PROZ: variants seen among roughly 807,000 people sequenced by gnomAD.
The protein encoded by PROZ is vitamin K-dependent protein Z.
A neutral mutation model predicts 34.9 loss-of-function variants in PROZ; 46 were observed. The observed-to-expected ratio is 1.32, with a 90% CI of 1.04 to 1.69. The LOEUF (loss-of-function observed/expected upper bound fraction) is 1.69, where lower values mean the gene tolerates loss of function less well. Among genes scored for constraint, PROZ ranks in the 40% most tolerant of loss-of-function variants. The probability of loss-of-function intolerance (pLI) is 0.00; values close to 1 mark genes in which losing one functional copy is unlikely to be tolerated. For missense variants in PROZ, 530 were observed against 520.4 expected (o/e 1.02, Z -0.18); for synonymous variants, 195 against 208.5 (o/e 0.94, Z 0.56).
intron 4 of PROZ, 135 bp downstream of exon 4, chr13:113,163,257 C>A: frequency 1.3e-6 from 1 of 760,420 alleles, no homozygotes; most frequent in South Asian, 1.5e-5. Flanking sequence ...TTTGGCTCAC[C>A]CCAGGGGATT....
chr13:113,169,753 G>C (rs1177499349), intron 6 of PROZ, among the ~76,000 whole-genome samples: 1 of 152,232 alleles, frequency 6.6e-6, no homozygotes, highest in East Asian at 1.9e-4. Flanking sequence ...TTCCCAGCTT[G>C]TGTGAGTGTC....
In PROZ at chr13:113,171,479, G is replaced by T; in HGVS notation, c.692-115G>T. 1 of 1,333,100 alleles carries T rather than the reference G, an allele frequency of 7.5e-7. No homozygotes were observed. The highest frequency in any genetic ancestry group is 2.4e-5 in the East Asian group (1 of 41,096). The allele number at this position is 1,333,100 out of a possible 1,614,324, so 82.6% of individuals were successfully genotyped here. A position where few individuals can be genotyped will look rare whatever the true frequency, so the allele number is the denominator to read the frequency against. ...CCACACCACGGGGCGGTGAGCCTGC[G>T]GGTCCTCCAGGGCCGGTCTCTCCCT... On this transcript the variant is annotated intron_variant, in intron 7 of 7. Coordinates refer to ENST00000375547, the MANE Select transcript of PROZ (RefSeq NM_003891.3). This position sits in a 1 kb window ranked among gnomAD's most constrained non-coding sequence, Gnocchi z 5.1.
Position 113,172,006 on chromosome 13 carries a change from G to A in PROZ, c.1104G>A (p.Thr368=), listed in dbSNP as rs551169345. 1.4e-5 allele frequency: 22 copies of A among 1,613,198 alleles called. No homozygotes were observed. Among genetic ancestry groups the A allele is most frequent in the Middle Eastern group, 1.7e-4 (1 of 6,060 alleles). Residue 368 remains threonine (T), a synonymous_variant, in exon 8 of 8, where the codon ACG becomes ACA. Transcript: ENST00000375547. ...AACACAGAGGCTCCTGGTTTCTCACGGGGGTCCTGGGCTCGCAGCCAGTAG... is the reference window on the plus strand; with the variant it reads ...AACACAGAGGCTCCTGGTTTCTCACAGGGGTCCTGGGCTCGCAGCCAGTAG... The part of the protein sequence containing the change: ...TREHRGSWFL[T]GVLGSQPVGG...
In PROZ at chr13:113,171,726, G is replaced by GT. The variant is rs1566932832; in HGVS notation, c.825dup (p.Ala276CysfsTer9). 6.2e-7 allele frequency: 1 copy of GT among 1,612,580 alleles called. No individual in the cohort carries two copies. Among genetic ancestry groups the GT allele is most frequent in the Non-Finnish European group, 8.5e-7 (1 of 1,178,982 alleles). On this transcript the variant is annotated frameshift_variant, in exon 8 of 8. Transcript: ENST00000375547. LOFTEE classifies it low-confidence loss of function (END_TRUNC). This position sits in a 1 kb window ranked among gnomAD's most constrained non-coding sequence, Gnocchi z 5.1. ...CTGGAGTGGCCCATCCAGTGCCCAG[G>GT]TGCGGGGCTCCCCGTGTGCACCCCT...
chr13:113,160,280 T>C, intron 2 of PROZ, 103 bp downstream of exon 2: 1 of 1,390,596 alleles, frequency 7.2e-7, no homozygotes, highest in Non-Finnish European at 1.0e-6. Context: ...ATTAGCCTAT[T>C]TACTTACCGA....
chr13:113,171,467 C>T lies in PROZ; in HGVS notation c.692-127C>T, dbSNP rs2037109085. 8 of 1,139,930 alleles carry T rather than the reference C, an allele frequency of 7.0e-6. No individual in the cohort carries two copies. The highest frequency in any genetic ancestry group is 6.3e-6 in the Non-Finnish European group (5 of 787,948). 70.6% of individuals were successfully genotyped at this position (1,139,930 alleles called of 1,614,324 possible). On this transcript the variant is annotated intron_variant, in intron 7 of 7. Coordinates refer to ENST00000375547, the MANE Select transcript of PROZ (RefSeq NM_003891.3). This position sits in a 1 kb window ranked among gnomAD's most constrained non-coding sequence, Gnocchi z 5.1. ...AAGGCACAGTGTCCACACCACGGGG[C>T]GGTGAGCCTGCGGGTCCTCCAGGGC...
chr13:113,160,044 T>C lies in PROZ; in HGVS notation c.101T>C (p.Val34Ala). 1 of 1,614,164 alleles carries C rather than the reference T, an allele frequency of 6.2e-7. No individual in the cohort carries two copies. Among genetic ancestry groups the C allele is most frequent in the Non-Finnish European group, 8.5e-7 (1 of 1,180,012 alleles). Residue 34 changes from valine to alanine, a missense_variant, in exon 2 of 8, where the codon GTT becomes GCT. Transcript: ENST00000375547. ...CTCCCGGCCTCCAAAGCAAACGACG[T>C]TCTGGTGAGGTGGAAGCGTGCGGGC... Reference protein sequence around the residue: ...VFLPASKANDVLVRWKRAGSY... With the variant: ...VFLPASKANDALVRWKRAGSY...
At chr13:113,165,216 G>A (rs1168250515) in intron 6 of PROZ, 96 bp downstream of exon 6, 4 of 1,323,658 alleles carry the variant, frequency 3.0e-6, no homozygotes, top group Non-Finnish European at 4.2e-6. Context: ...AAGTGAATCA[G>A]GCATCCTGAC....
In PROZ at chr13:113,159,913, A is replaced by AC; in HGVS notation, c.71-100dup. On this transcript the variant is annotated intron_variant, in intron 1 of 7. Transcript: ENST00000375547. The surrounding 1 kb of genome is among the most constrained non-coding windows in gnomAD (Gnocchi z 4.6). Reference sequence around the variant, plus strand: ...GCAGGCTGAGAGCCTGTGGAGACGGACGGGGCTGGGGCTGGCGGCCGGCCG... The same window carrying AC: ...GCAGGCTGAGAGCCTGTGGAGACGGACCGGGGCTGGGGCTGGCGGCCGGCCG... 2 of 1,426,888 alleles carry AC rather than the reference A, an allele frequency of 1.4e-6. No homozygotes were observed. Among genetic ancestry groups the AC allele is most frequent in the Non-Finnish European group, 2.0e-6 (2 of 1,013,066 alleles). The allele number at this position is 1,426,888 out of a possible 1,614,324, so 88.4% of individuals were successfully genotyped here.
At chr13:113,162,917 C>T (rs2138577963) in intron 3 of PROZ, 92 bp from the exon 4 acceptor site, 2 of 645,750 alleles carry the variant, frequency 3.1e-6, no homozygotes, top group Middle Eastern at 3.2e-4. Flanking sequence ...TCCTCCTGCT[C>T]AGGTCCCCAT....
chr13:113,160,306 C>A, intron 2 of PROZ, 129 bp downstream of exon 2: 1 of 1,183,380 alleles, frequency 8.5e-7, no homozygotes, highest in Non-Finnish European at 1.3e-6. Flanking sequence ...TTGACACAAT[C>A]CCAGTTTTAC....
intron 3 of PROZ, among the ~76,000 whole-genome samples, chr13:113,161,691 T>C (rs901179168): frequency 2.6e-5 from 4 of 152,024 alleles, no homozygotes; most frequent in African/African-American, 9.7e-5. Context: ...GGGAGCGTCC[T>C]GGGGGCCAGG....
chr13:113,159,899 G>T lies in PROZ; in HGVS notation c.71-115G>T. 3.1e-6 allele frequency: 4 copies of T among 1,288,726 alleles called. No homozygotes were observed. Among genetic ancestry groups the T allele is most frequent in the South Asian group, 1.2e-5 (1 of 83,986 alleles). The allele number at this position is 1,288,726 out of a possible 1,614,324, so 79.8% of individuals were successfully genotyped here. A position where few individuals can be genotyped will look rare whatever the true frequency, so the allele number is the denominator to read the frequency against. ...GCCCTGAGGCCCTCGCAGGCTGAGA[G>T]CCTGTGGAGACGGACGGGGCTGGGG... On this transcript the variant is annotated intron_variant, in intron 1 of 7. Coordinates refer to ENST00000375547, the MANE Select transcript of PROZ (RefSeq NM_003891.3). This position sits in a 1 kb window ranked among gnomAD's most constrained non-coding sequence, Gnocchi z 4.6.
chr13:113,172,179 G>C lies in PROZ; in HGVS notation c.*74G>C. ...CAAGCTGGCACTGCCACTGTGGAGG[G>C]CGCTGAAACTTCATCACACACTGAG... On this transcript the variant is annotated 3_prime_UTR_variant, in exon 8 of 8. Coordinates refer to ENST00000375547, the MANE Select transcript of PROZ (RefSeq NM_003891.3). The C allele has an allele frequency of 6.4e-7, 1 of 1,568,092 alleles. No individual in the cohort carries two copies. Among genetic ancestry groups the C allele is most frequent in the Non-Finnish European group, 8.7e-7 (1 of 1,153,576 alleles).
rs139982691 is a variant in PROZ, at chr13:113,164,974, C to T, written c.506-79C>T. On this transcript the variant is annotated intron_variant, in intron 5 of 7. Coordinates refer to ENST00000375547, the MANE Select transcript of PROZ (RefSeq NM_003891.3). ...TAGTACCATAGACGGAATTATGCAA[C>T]GGTTAACACCATAGACAGAGTCCGA... 1,033 of 1,380,690 alleles carry T rather than the reference C, an allele frequency of 7.5e-4. 10 individuals are homozygous for T. In the East Asian group the frequency reaches 0.018, roughly 24 times the overall value. The allele number at this position is 1,380,690 out of a possible 1,614,324, so 85.5% of individuals were successfully genotyped here. A position where few individuals can be genotyped will look rare whatever the true frequency, so the allele number is the denominator to read the frequency against.
At position 113,164,220 on chromosome 13, in the gene PROZ, C is replaced by T. The variant is rs559925602; in HGVS notation, c.374-293C>T. Among the ~76,000 whole-genome samples the T allele has an allele frequency of 9.2e-5, 14 of 152,170 alleles. No individual in the cohort carries two copies. In the East Asian group the frequency reaches 9.7e-4, roughly 11 times the overall value. On this transcript the variant is annotated intron_variant, in intron 4 of 7. Transcript: ENST00000375547. ...GTCTTGATCTCCTGACCTCGTGATC[C>T]GCCCACCTCGGCCTCCCAAAGTGCT...
chr13:113,164,803 T>C (rs1034784140), intron 5 of PROZ, among the ~76,000 whole-genome samples, 159 bp downstream of exon 5: 2 of 152,228 alleles, frequency 1.3e-5, no homozygotes, highest in South Asian at 2.1e-4. Flanking sequence ...GCAATGGCCA[T>C]GCTAGAAAGT....
In PROZ at chr13:113,159,400, T is replaced by C; in HGVS notation, c.71-614T>C. On this transcript the variant is annotated intron_variant, in intron 1 of 7. Coordinates refer to ENST00000375547, the MANE Select transcript of PROZ (RefSeq NM_003891.3). This position sits in a 1 kb window ranked among gnomAD's most constrained non-coding sequence, Gnocchi z 4.6. ...TAGCCGGACTTAGCTGAGCCCCCCC[T>C]GCTGTAACCCTCAGCACCGAGAGAA... The C allele has an allele frequency of 1.1e-6, 1 of 894,136 alleles. No homozygotes were observed. The highest frequency in any genetic ancestry group is 1.7e-6 in the Non-Finnish European group (1 of 579,642). The allele number at this position is 894,136 out of a possible 1,614,324, so 55.4% of individuals were successfully genotyped here. A position where few individuals can be genotyped will look rare whatever the true frequency, so the allele number is the denominator to read the frequency against.
intron 6 of PROZ, among the ~76,000 whole-genome samples, chr13:113,165,855 A>C (rs941760641): frequency 2.1e-4 from 32 of 152,144 alleles, no homozygotes; most frequent in African/African-American, 7.5e-4. Context: ...CTGTTTACTT[A>C]ATGGTCACTC....
Sources: allele counts gnomAD v4.1 joint callset (sites outside exome capture counted in the v4.1 genomes callset), GRCh38; gene constraint gnomAD v4.1.1; non-coding constraint Gnocchi (gnomAD v3.1); transcripts MANE v1.5; gene names NCBI Gene and HGNC (gene_info 2026-07-23, HGNC 2026-07-21).